Variants in CD47 observed in about 807,000 individuals in gnomAD.
CD47 encodes the protein leukocyte surface antigen CD47.
A neutral mutation model predicts 44.6 loss-of-function variants in CD47; 11 were observed. The observed-to-expected ratio is 0.25, with a 90% CI of 0.16 to 0.41. The LOEUF (loss-of-function observed/expected upper bound fraction) is 0.41, where lower values mean the gene tolerates loss of function less well. Among genes scored for constraint, CD47 ranks in the 10% least tolerant of loss-of-function variants. The probability of loss-of-function intolerance (pLI) is 1.00; values close to 1 mark genes in which losing one functional copy is unlikely to be tolerated. For synonymous variants in CD47, 140 were observed against 136.3 expected (o/e 1.03, Z -0.19); for missense variants, 306 against 386.7 (o/e 0.79, Z 1.75).
Position 108,071,001 on chromosome 3 carries a change from C to T in CD47, c.490+92G>A, listed in dbSNP as rs74521547. ...CATATTTATCATAATAGCACTTTTC[C>T]TAGTACAACTTTAAATATTTCGCTG... On this transcript the variant is annotated intron_variant, in intron 3 of 10. Coordinates refer to ENST00000361309, the MANE Select transcript of CD47 (RefSeq NM_001777.4). 1,246 of 598,304 alleles carry T rather than the reference C, an allele frequency of 2.1e-3. 13 individuals carry two copies. The African/African-American group carries it at 0.022, about 10-fold the overall frequency. The allele number at this position is 598,304 out of a possible 1,614,324, so 37.1% of individuals were successfully genotyped here. A position where few individuals can be genotyped will look rare whatever the true frequency, so the allele number is the denominator to read the frequency against.
intron 7 of CD47, among the ~76,000 whole-genome samples, chr3:108,055,233 T>C (rs571370084): frequency 7.2e-5 from 11 of 152,306 alleles, no homozygotes; most frequent in East Asian, 5.8e-4. Context: ...AAAAATCTCA[T>C]AGCGACATTA....
chr3:108,049,089 G>C (rs542719654), intron 10 of CD47, among the ~76,000 whole-genome samples: 1 of 141,138 alleles, frequency 7.1e-6, no homozygotes, highest in South Asian at 2.3e-4. Context: ...AGCTGAGGAC[G>C]AAACATCTCT....
intron 3 of CD47, among the ~76,000 whole-genome samples, chr3:108,067,158 A>T (rs146410780): frequency 4.5e-4 from 69 of 152,362 alleles, no homozygotes; most frequent in Admixed American, 2.5e-3. Flanking sequence ...CATACTAAAT[A>T]CTAGCTTTAC....
At chr3:108,065,684 G>A (rs973937094) in intron 3 of CD47, among the ~76,000 whole-genome samples, 8 of 151,746 alleles carry the variant, frequency 5.3e-5, no homozygotes, top group Non-Finnish European at 1.2e-4. Context: ...GGTGGTGCAC[G>A]CCAGTAGCCT....
In CD47 at chr3:108,045,543, A is replaced by G. The variant is rs1044941622; in HGVS notation, c.*1745T>C. On this transcript the variant is annotated 3_prime_UTR_variant, in exon 11 of 11. Transcript: ENST00000361309. ...CATACGTATATATAGATATACGTAT[A>G]TATTTGTGTATACATATTTTTTTTT... 1 of 149,350 alleles carries G rather than the reference A, an allele frequency of 6.7e-6. No individual in the cohort carries two copies. The highest frequency in any genetic ancestry group is 2.0e-4 in the East Asian group (1 of 5,042). The allele number at this position is 149,350 out of a possible 1,614,324, so 9.3% of individuals were successfully genotyped here.
chr3:108,063,867 A>G (rs906200435), intron 3 of CD47, among the ~76,000 whole-genome samples: 1 of 152,244 alleles, frequency 6.6e-6, no homozygotes, highest in African/African-American at 2.4e-5. Flanking sequence ...CAGTAATTAC[A>G]TGCTTAACAA....
chr3:108,090,335 C>A (rs577822828), intron 1 of CD47, among the ~76,000 whole-genome samples: 4 of 152,288 alleles, frequency 2.6e-5, no homozygotes, highest in African/African-American at 9.6e-5. Flanking sequence ...ACGTCCTCTT[C>A]GCTCCTATGT....
At chr3:108,078,228 T>A (rs1380079131) in intron 2 of CD47, among the ~76,000 whole-genome samples, 1 of 152,124 alleles carries the variant, frequency 6.6e-6, no homozygotes, top group Non-Finnish European at 1.5e-5. Context: ...ACATTCTCTA[T>A]AATAAAACAA....
At chr3:108,068,077 G>A (rs1261235106) in intron 3 of CD47, among the ~76,000 whole-genome samples, 1 of 152,128 alleles carries the variant, frequency 6.6e-6, no homozygotes, top group Non-Finnish European at 1.5e-5. Context: ...GAAAAGTTAA[G>A]CAGAACTAGA....
At position 108,059,499 on chromosome 3, in the gene CD47, G is replaced by C; in HGVS notation, c.644C>G (p.Thr215Ser). Residue 215 changes from threonine to serine, a missense_variant, in exon 5 of 11, where the codon ACT (threonine) becomes AGT (serine). Around this residue, in one of 5 missense-constraint regions of CD47, gnomAD observed 131 missense variants for 135.3 expected, o/e 0.97. Transcript: ENST00000361309. ...KNATGLGLIV[T>S]STGILILLHY... Reference sequence around the variant, plus strand: ...AAGTAATATTAATATCCCTGTAGAAGTCACAATTAAACCAAGGCCAGTAGC... The same window carrying C: ...AAGTAATATTAATATCCCTGTAGAACTCACAATTAAACCAAGGCCAGTAGC... The C allele has an allele frequency of 6.5e-7, 1 of 1,528,526 alleles. No individual in the cohort carries two copies. The highest frequency in any genetic ancestry group is 8.8e-7 in the Non-Finnish European group (1 of 1,130,704). The allele number at this position is 1,528,526 out of a possible 1,614,324, so 94.7% of individuals were successfully genotyped here. A position where few individuals can be genotyped will look rare whatever the true frequency, so the allele number is the denominator to read the frequency against.
chr3:108,059,192 TAAG>T (rs2078969762), intron 5 of CD47, among the ~76,000 whole-genome samples: 1 of 152,176 alleles, frequency 6.6e-6, no homozygotes, highest in Non-Finnish European at 1.5e-5. Flanking sequence ...AAATAATCAT[TAAG>T]AAGTTATATG....
chr3:108,058,102 T>C (rs1027646382), intron 6 of CD47, among the ~76,000 whole-genome samples: 3 of 152,208 alleles, frequency 2.0e-5, no homozygotes, highest in African/African-American at 7.2e-5. Flanking sequence ...ACATACTCTT[T>C]ACAGTCCCGT....
chr3:108,061,357 T>A (rs535575032), intron 3 of CD47, among the ~76,000 whole-genome samples: 2 of 152,148 alleles, frequency 1.3e-5, no homozygotes, highest in African/African-American at 4.8e-5. Flanking sequence ...AATAATGGGT[T>A]AATTAACAAT....
chr3:108,079,880 A>T, intron 2 of CD47, 111 bp downstream of exon 2: 1 of 656,672 alleles, frequency 1.5e-6, no homozygotes, highest in South Asian at 2.1e-5. Flanking sequence ...TTTATTAATA[A>T]CAGCCTGCTT....
intron 2 of CD47, among the ~76,000 whole-genome samples, chr3:108,077,050 A>G (rs1372258688): frequency 6.6e-6 from 1 of 152,146 alleles, no homozygotes; most frequent in Non-Finnish European, 1.5e-5. Flanking sequence ...ATAAAACTAT[A>G]TCTTATAGTG....
chr3:108,069,564 G>A (rs2079161666), intron 3 of CD47, among the ~76,000 whole-genome samples: 1 of 148,284 alleles, frequency 6.7e-6, no homozygotes, highest in Admixed American at 6.8e-5. Context: ...GTGTTCTAAA[G>A]TGATATGTAT....
Position 108,090,990 on chromosome 3 carries a change from C to G in CD47, c.-82G>C. On this transcript the variant is annotated 5_prime_UTR_variant, in exon 1 of 11. Coordinates refer to ENST00000361309, the MANE Select transcript of CD47 (RefSeq NM_001777.4). Reference sequence around the variant, plus strand: ...CCGCCGCCGTTACAGGCAGGACCGACCGCCGCCGCGCGTCACAGGCAGGAC... The same window carrying G: ...CCGCCGCCGTTACAGGCAGGACCGAGCGCCGCCGCGCGTCACAGGCAGGAC... 9.9e-7 allele frequency: 1 copy of G among 1,012,872 alleles called. No individual in the cohort carries two copies. The highest frequency in any genetic ancestry group is 1.3e-6 in the Non-Finnish European group (1 of 756,112). 62.7% of individuals were successfully genotyped at this position (1,012,872 alleles called of 1,614,324 possible). A position where few individuals can be genotyped will look rare whatever the true frequency, so the allele number is the denominator to read the frequency against.
Position 108,080,283 on chromosome 3 carries a change from A to G in CD47, c.108T>C (p.Thr36=). 3 of 1,611,770 alleles carry G rather than the reference A, an allele frequency of 1.9e-6. No individual in the cohort carries two copies. Among genetic ancestry groups the G allele is most frequent in the Non-Finnish European group, 2.5e-6 (3 of 1,178,216 alleles). ...TAGTAACAAAGCATGGAATGACGAC[A>G]GTGTCATTACAAAACGTGAATTCTA... ...KSVEFTFCND[T]VVIPCFVTNM... is the part of the protein sequence containing the mutation. The change falls in exon 2 of 11, where the codon ACT becomes ACC. Residue 36 remains threonine (T), a synonymous_variant. Transcript: ENST00000361309.
chr3:108,062,064 C>T (rs2079024960), intron 3 of CD47, among the ~76,000 whole-genome samples: 1 of 151,902 alleles, frequency 6.6e-6, no homozygotes, highest in Admixed American at 6.6e-5. Flanking sequence ...GGAGATAAGT[C>T]CTAAGCAATA....
Sources: allele counts gnomAD v4.1 joint callset (sites outside exome capture counted in the v4.1 genomes callset), GRCh38; gene constraint gnomAD v4.1.1; regional missense constraint gnomAD v4.1.1; transcripts MANE v1.5; gene names NCBI Gene and HGNC (gene_info 2026-07-23, HGNC 2026-07-21).